Variants in PARD3 observed in about 807,000 individuals in gnomAD.
The protein encoded by PARD3 is partitioning defective 3 homolog.
In PARD3, 75 loss-of-function variants were observed where a neutral mutation model predicts 155.4. The observed-to-expected ratio is 0.48, with a 90% CI of 0.40 to 0.58. The LOEUF is 0.58. PARD3 is among the 20% of genes least tolerant of loss of function. The pLI is 0.00. For synonymous variants in PARD3, 576 were observed against 610.5 expected, an observed-to-expected ratio of 0.94 and a Z score of 0.83; for missense variants, 1,642 against 1,721.7, an observed-to-expected ratio of 0.95 and a Z score of 0.82.
At chr10:34,594,226 T>C (rs1285028472) in intron 2 of PARD3, among the ~76,000 whole-genome samples, 1 of 152,164 alleles carries the variant, frequency 6.6e-6, no homozygotes, top group Non-Finnish European at 1.5e-5. Context: ...CTAAGCATGC[T>C]CTTGGAAGGA....
chr10:34,644,136 T>A (rs2249715), intron 2 of PARD3, among the ~76,000 whole-genome samples: 58,002 of 151,964 alleles, frequency 0.38, 11,199 homozygotes, highest in South Asian at 0.43. Flanking sequence ...CAGAAGAGAC[T>A]AGAAACAAAA....
chr10:34,771,375 C>T (rs750668408), intron 1 of PARD3, among the ~76,000 whole-genome samples: 2 of 152,126 alleles, frequency 1.3e-5, no homozygotes, highest in Non-Finnish European at 2.9e-5. Flanking sequence ...CACACAGGAT[C>T]ACTGTGAGAT....
intron 15 of PARD3, chr10:34,343,381 C>T: frequency 1.0e-6 from 1 of 983,244 alleles, no homozygotes. Flanking sequence ...CTGAAAGGGG[C>T]ATATGATTTT....
At position 34,815,007 on chromosome 10, in the gene PARD3, C is replaced by T; in HGVS notation, c.-12G>A. The T allele has an allele frequency of 6.9e-7, 1 of 1,456,788 alleles. No individual in the cohort carries two copies. Among genetic ancestry groups the T allele is most frequent in the Non-Finnish European group, 9.1e-7 (1 of 1,100,476 alleles). The allele number at this position is 1,456,788 out of a possible 1,614,324, so 90.2% of individuals were successfully genotyped here. The stretch of plus-strand genomic sequence containing the variant: ...ACGGTCACTTTCATGCCGCCGCCGC[C>T]GCGGGCGGGCCCGCGCCCCTCGCCG... On this transcript the variant is annotated 5_prime_UTR_variant, in exon 1 of 25. Transcript: ENST00000374788.
At chr10:34,195,942 G>T (rs1950913726) in intron 22 of PARD3, among the ~76,000 whole-genome samples, 1 of 152,216 alleles carries the variant, frequency 6.6e-6, no homozygotes. Context: ...CTGTGAAAGT[G>T]AAATGCTGTG....
chr10:34,337,037 G>C (rs919020467), intron 17 of PARD3, among the ~76,000 whole-genome samples: 1 of 152,106 alleles, frequency 6.6e-6, no homozygotes, highest in South Asian at 2.1e-4. Flanking sequence ...ATATGTGTTT[G>C]TTTCCATTCT....
intron 3 of PARD3, among the ~76,000 whole-genome samples, chr10:34,496,600 A>G (rs983314241): frequency 1.3e-5 from 2 of 152,222 alleles, no homozygotes; most frequent in African/African-American, 4.8e-5. Context: ...CATGGTAGAT[A>G]CCACAGGGAT....
intron 2 of PARD3, among the ~76,000 whole-genome samples, chr10:34,519,754 CA>C (rs1176135747): frequency 1.3e-5 from 2 of 151,924 alleles, no homozygotes; most frequent in Non-Finnish European, 2.9e-5. Context: ...GCGGAGGGTG[CA>C]GTGAGCCAAG....
At position 34,517,247 on chromosome 10, in the gene PARD3, T is replaced by C. The variant is rs2081834961; in HGVS notation, c.223-88A>G. 4 of 1,210,336 alleles carry C rather than the reference T, an allele frequency of 3.3e-6. No individual in the cohort carries two copies. In the Admixed American group the frequency reaches 9.6e-5, roughly 29 times the overall value. 75.0% of individuals were successfully genotyped at this position (1,210,336 alleles called of 1,614,324 possible). On this transcript the variant is annotated intron_variant, in intron 2 of 24. Transcript: ENST00000374788. Reference sequence around the variant, plus strand: ...GTACTATTTTGACATAATTCTACAGTGCAAAAATACTGATATAAATGACCC... The same window carrying C: ...GTACTATTTTGACATAATTCTACAGCGCAAAAATACTGATATAAATGACCC...
chr10:34,406,824 GA>G (rs1844527984), intron 5 of PARD3, among the ~76,000 whole-genome samples: 1 of 151,668 alleles, frequency 6.6e-6, no homozygotes, highest in Non-Finnish European at 1.5e-5. Context: ...TGCCCCAGGA[GA>G]AAAAAAATCT....
At chr10:34,436,238 G>A (rs867895587) in intron 5 of PARD3, among the ~76,000 whole-genome samples, 14 of 152,168 alleles carry the variant, frequency 9.2e-5, no homozygotes, top group African/African-American at 3.1e-4. Flanking sequence ...ACCCCAAGAC[G>A]TCCTTTTCCT....
At chr10:34,187,886 ATC>A (rs1228435680) in intron 22 of PARD3, among the ~76,000 whole-genome samples, 2 of 152,326 alleles carry the variant, frequency 1.3e-5, no homozygotes, top group South Asian at 4.1e-4. Context: ...ACGATATACT[ATC>A]TCTCTACCGT....
At chr10:34,268,872 A>C (rs560313364) in intron 22 of PARD3, among the ~76,000 whole-genome samples, 1 of 152,216 alleles carries the variant, frequency 6.6e-6, no homozygotes, top group Non-Finnish European at 1.5e-5. Flanking sequence ...GCACATGTAT[A>C]CATATGTACC....
At chr10:34,508,518 T>C (rs185659461) in intron 3 of PARD3, among the ~76,000 whole-genome samples, 3 of 151,988 alleles carry the variant, frequency 2.0e-5, no homozygotes, top group Admixed American at 1.3e-4. Context: ...ATCTGACTTC[T>C]ACAAAAAGTC....
At chr10:34,327,614 G>A (rs572628469) in intron 19 of PARD3, among the ~76,000 whole-genome samples, 8 of 152,274 alleles carry the variant, frequency 5.3e-5, no homozygotes, top group African/African-American at 1.9e-4. Flanking sequence ...CCTGCAGCAC[G>A]GTGCAAGGAG....
intron 22 of PARD3, among the ~76,000 whole-genome samples, chr10:34,201,603 T>C (rs1291982029): frequency 6.6e-6 from 1 of 152,202 alleles, no homozygotes; most frequent in Non-Finnish European, 1.5e-5. Flanking sequence ...TTTTAAAATT[T>C]TATCTTTAAA....
intron 2 of PARD3, among the ~76,000 whole-genome samples, chr10:34,637,681 G>A (rs753647993): frequency 2.0e-5 from 3 of 152,210 alleles, no homozygotes; most frequent in Non-Finnish European, 4.4e-5. Context: ...GGGCACTGCC[G>A]GTACAGCAGC....
At chr10:34,441,596 G>C (rs1004275973) in intron 5 of PARD3, among the ~76,000 whole-genome samples, 3 of 152,110 alleles carry the variant, frequency 2.0e-5, no homozygotes, top group Admixed American at 2.0e-4. Context: ...AAGTAACCCT[G>C]CACATGACTG....
chr10:34,471,394 A>C (rs977222227), intron 3 of PARD3, among the ~76,000 whole-genome samples: 1 of 152,228 alleles, frequency 6.6e-6, no homozygotes, highest in Non-Finnish European at 1.5e-5. Flanking sequence ...TGAAGAAGAA[A>C]AGAGTCTGCA....
Sources: gnomAD v4.1 joint callset for allele counts (sites outside exome capture counted in the v4.1 genomes callset) on GRCh38, gnomAD v4.1.1 for gene constraint, MANE v1.5 for transcripts, NCBI Gene and HGNC (gene_info 2026-07-23, HGNC 2026-07-21) for gene names.